The following PI4K2A variants were observed in gnomAD, a reference collection of about 807,000 sequenced individuals.
PI4K2A encodes phosphatidylinositol 4-kinase type 2 alpha, also known as phosphatidylinositol 4-kinase type 2-alpha.
A neutral mutation model predicts 55.0 loss-of-function variants in PI4K2A; 20 were observed. The ratio of observed to expected loss-of-function variants is 0.36; its 90% CI spans 0.26 to 0.53. The LOEUF (loss-of-function observed/expected upper bound fraction) is 0.53. PI4K2A is among the 20% of genes least tolerant of loss of function. PI4K2A has a pLI of 0.91. For missense variants in PI4K2A, 463 were observed against 637.1 expected (o/e 0.73, Z 2.94); for synonymous variants, 235 against 258.5 (o/e 0.91, Z 0.87).
At chr10:97,648,254 G>A (rs939703924) in intron 1 of PI4K2A, among the ~76,000 whole-genome samples, 1 of 151,728 alleles carries the variant, frequency 6.6e-6, no homozygotes, top group African/African-American at 2.4e-5. Flanking sequence ...CACCATGCCT[G>A]GCTAATTTTG....
At chr10:97,650,856 T>G in intron 1 of PI4K2A, 85 bp from the exon 2 acceptor site, 1 of 1,017,552 alleles carries the variant, frequency 9.8e-7, no homozygotes. Flanking sequence ...GCCCTGTCAT[T>G]TCTTTCCAGA....
rs749174042 is a variant in PI4K2A at position 97,666,428 on chromosome 10, C to G, written c.1085-10C>G. The G allele has an allele frequency of 2.0e-5, 33 of 1,610,582 alleles. No individual in the cohort carries two copies. The highest frequency in any genetic ancestry group is 2.7e-5 in the Non-Finnish European group (32 of 1,178,806). On this transcript the variant is annotated splice_polypyrimidine_tract_variant and intron_variant, in intron 6 of 8. Coordinates refer to ENST00000370631, the Ensembl canonical transcript of PI4K2A. ...ACACCAGCTTTGCCTTTGACTTTTC[C>G]TCTTTTCAGATCCTTTTTACTGGGC...
intron 1 of PI4K2A, among the ~76,000 whole-genome samples, chr10:97,645,384 G>A (rs1034647943): frequency 2.0e-5 from 3 of 152,156 alleles, no homozygotes; most frequent in Non-Finnish European, 2.9e-5. Flanking sequence ...TGAAGCGGGC[G>A]GATCACAAGG....
Position 97,656,207 on chromosome 10 carries a change from A to G in PI4K2A, c.637-78A>G. 4 of 1,178,002 alleles carry G rather than the reference A, an allele frequency of 3.4e-6. No homozygotes were observed. The highest frequency in any genetic ancestry group is 5.0e-6 in the Non-Finnish European group (4 of 802,492). 73.0% of individuals were successfully genotyped at this position (1,178,002 alleles called of 1,614,324 possible). On this transcript the variant is annotated intron_variant, in intron 2 of 8. Transcript: ENST00000370631. The surrounding 1 kb of genome is among the most constrained non-coding windows in gnomAD (Gnocchi z 4.5). ...AGAGGAATAGGATTTGTGAACATCAAGCTATTTATTCTCTGCCATAGTCTT... is the reference window on the plus strand; with the variant it reads ...AGAGGAATAGGATTTGTGAACATCAGGCTATTTATTCTCTGCCATAGTCTT...
chr10:97,659,192 C>T (rs1003080159), intron 4 of PI4K2A, among the ~76,000 whole-genome samples: 19 of 151,322 alleles, frequency 1.3e-4, no homozygotes, highest in Admixed American at 7.9e-4. Flanking sequence ...GAGGACCACG[C>T]CTGGCTAGTT....
intron 1 of PI4K2A, among the ~76,000 whole-genome samples, chr10:97,644,277 G>C (rs2041493520): frequency 6.6e-6 from 1 of 152,168 alleles, no homozygotes. Context: ...CTTGAGCCTG[G>C]GAGGTGGAGG....
In PI4K2A at chr10:97,656,730, A is replaced by G; in HGVS notation, c.769-91A>G. On this transcript the variant is annotated intron_variant, in intron 3 of 8. Transcript: ENST00000370631. This position sits in a 1 kb window ranked among gnomAD's most constrained non-coding sequence, Gnocchi z 4.5. ...GTTTTCCTTCTCTGATACAAACTCC[A>G]TAGGGCCTTAATGGGTATCTGGCAT... is the stretch of plus-strand genomic sequence containing the variant. 8.6e-7 allele frequency: 1 copy of G among 1,164,152 alleles called. No individual in the cohort carries two copies. Among genetic ancestry groups the G allele is most frequent in the Non-Finnish European group, 1.3e-6 (1 of 794,702 alleles). The allele number at this position is 1,164,152 out of a possible 1,614,324, so 72.1% of individuals were successfully genotyped here. A position where few individuals can be genotyped will look rare whatever the true frequency, so the allele number is the denominator to read the frequency against.
At chr10:97,669,411 G>C (rs2041625221) in intron 8 of PI4K2A, among the ~76,000 whole-genome samples, 1 of 152,154 alleles carries the variant, frequency 6.6e-6, no homozygotes, top group Non-Finnish European at 1.5e-5. Flanking sequence ...TCCCAGCTCA[G>C]TCCCTTGCCA....
intron 8 of PI4K2A, among the ~76,000 whole-genome samples, chr10:97,670,618 A>G (rs61161125): frequency 0.014 from 2,188 of 152,292 alleles, 38 homozygotes; most frequent in African/African-American, 0.048. Flanking sequence ...GGAACAGTGT[A>G]GGATGCTGGC....
Position 97,657,644 on chromosome 10 carries a change from G to A in PI4K2A, c.922+670G>A, listed in dbSNP as rs543179603. 2.7e-5 allele frequency among the ~76,000 whole-genome samples: 4 copies of A among 150,614 alleles called. No individual in the cohort carries two copies. In the South Asian group the frequency reaches 6.4e-4, roughly 24 times the overall value. On this transcript the variant is annotated intron_variant, in intron 4 of 8. Transcript: ENST00000370631. ...AATTGCACCACTGCACTCTAACCTG[G>A]GTGACAGAGCAAGACTCTGTTTCCA...
chr10:97,673,143 C>T (rs111840662), intron 8 of PI4K2A, among the ~76,000 whole-genome samples: 2,267 of 151,970 alleles, frequency 0.015, 56 homozygotes, highest in African/African-American at 0.05. Flanking sequence ...TGTGCCACCA[C>T]GGTCGGCTAA....
chr10:97,663,098 G>A, intron 5 of PI4K2A, 130 bp downstream of exon 5: 1 of 659,964 alleles, frequency 1.5e-6, no homozygotes, highest in Non-Finnish European at 2.7e-6. Context: ...AAAATTAATA[G>A]GTTAATATTT....
At position 97,656,428 on chromosome 10, in the gene PI4K2A, C is replaced by T. The variant is rs1370712864; in HGVS notation, c.768+12C>T. ...GGCTACCACCAAAGGTATAGACGCA[C>T]CTCTGGCTTATCAAGGGTCATGATT... is the stretch of plus-strand genomic sequence containing the variant. On this transcript the variant is annotated intron_variant, in intron 3 of 8. Coordinates refer to ENST00000370631, the Ensembl canonical transcript of PI4K2A. This position sits in a 1 kb window ranked among gnomAD's most constrained non-coding sequence, Gnocchi z 4.5. 1.2e-6 allele frequency: 2 copies of T among 1,612,760 alleles called. No homozygotes were observed. Among genetic ancestry groups the T allele is most frequent in the Non-Finnish European group, 1.7e-6 (2 of 1,179,152 alleles).
chr10:97,655,795 G>T (rs1190212348), intron 2 of PI4K2A, among the ~76,000 whole-genome samples: 1 of 151,966 alleles, frequency 6.6e-6, no homozygotes, highest in Admixed American at 6.6e-5. Flanking sequence ...GGCTGGTCTC[G>T]AACTCCTGAC....
intron 1 of PI4K2A, among the ~76,000 whole-genome samples, chr10:97,646,396 T>C (rs1414304185): frequency 1.3e-5 from 2 of 151,972 alleles, no homozygotes; most frequent in East Asian, 3.9e-4. Context: ...TTCGTATTTT[T>C]AGTAGAGACA....
intron 4 of PI4K2A, among the ~76,000 whole-genome samples, chr10:97,660,057 A>G (rs2041573474): frequency 7.3e-6 from 1 of 136,730 alleles, no homozygotes; most frequent in East Asian, 2.1e-4. Context: ...GCTGGAGTGC[A>G]GTGGCGCGAT....
At chr10:97,657,992 T>C (rs1430122498) in intron 4 of PI4K2A, among the ~76,000 whole-genome samples, 1 of 152,090 alleles carries the variant, frequency 6.6e-6, no homozygotes, top group Non-Finnish European at 1.5e-5. Flanking sequence ...CCCGCCATCA[T>C]GCATGGCTAA....
chr10:97,651,262 T>G (rs1292671009), intron 2 of PI4K2A, 121 bp downstream of exon 2: 1 of 677,790 alleles, frequency 1.5e-6, no homozygotes, highest in African/African-American at 1.8e-5. Flanking sequence ...AAGTCTGGGT[T>G]CTCGATCTTT....
At chr10:97,665,988 T>A (rs142681395) in intron 6 of PI4K2A, among the ~76,000 whole-genome samples, 1 of 152,322 alleles carries the variant, frequency 6.6e-6, no homozygotes, top group East Asian at 1.9e-4. Context: ...TTTCCATAAT[T>A]TATTCTAATT....
Sources: gnomAD v4.1 joint callset for allele counts (sites outside exome capture counted in the v4.1 genomes callset) on GRCh38, gnomAD v4.1.1 for gene constraint, Gnocchi (gnomAD v3.1) non-coding constraint, MANE v1.5 for transcripts, NCBI Gene and HGNC (gene_info 2026-07-23, HGNC 2026-07-21) for gene names.